Variants in ACLY observed in about 807,000 individuals in gnomAD.
ACLY encodes ATP citrate lyase, also known as ATP-citrate synthase.
Under a neutral mutation model 133.0 loss-of-function variants are expected in ACLY, and 41 were observed. That is an observed-to-expected ratio of 0.31 (90% CI 0.24 to 0.40). The LOEUF is 0.40. Among genes scored for constraint, ACLY ranks in the 10% least tolerant of loss-of-function variants. ACLY has a pLI of 1.00. For missense variants in ACLY, 1,046 were observed against 1,453.8 expected (o/e 0.72, Z 4.56); for synonymous variants, 495 against 549.3 (o/e 0.90, Z 1.38).
chr17:41,901,202 C>T (rs1038445954), intron 11 of ACLY, among the ~76,000 whole-genome samples: 72 of 151,810 alleles, frequency 4.7e-4, no homozygotes, highest in African/African-American at 1.7e-3. Flanking sequence ...TCAAGGGATC[C>T]TCCCACTTCG....
Position 41,868,797 on chromosome 17 carries a change from A to G in ACLY, c.3135-12T>C, listed in dbSNP as rs1422201517. ...CATCAGCTTCCTCCCTGCAACACAC[A>G]TCAACTTGTAGTTTTAAAAGGCTCA... On this transcript the variant is annotated splice_polypyrimidine_tract_variant and intron_variant, in intron 27 of 28. Transcript: ENST00000352035. 9.3e-6 allele frequency: 15 copies of G among 1,613,324 alleles called. No homozygotes were observed. Among genetic ancestry groups the G allele is most frequent in the Non-Finnish European group, 1.1e-5 (13 of 1,179,580 alleles).
intron 25 of ACLY, among the ~76,000 whole-genome samples, chr17:41,870,929 A>AATC (rs1361419993): frequency 2.0e-5 from 3 of 152,230 alleles, no homozygotes; most frequent in African/African-American, 4.8e-5. Context: ...TTCGGCACAG[A>AATC]TGGCAGAGAA....
At chr17:41,913,966 G>C in intron 1 of ACLY, 70 bp from the exon 2 acceptor site, 1 of 1,462,682 alleles carries the variant, frequency 6.8e-7, no homozygotes, top group Non-Finnish European at 9.4e-7. Flanking sequence ...CAGCAGGGCA[G>C]ACCCACTCCC....
At chr17:41,925,172 G>A (rs1555635856) in intron 1 of ACLY, among the ~76,000 whole-genome samples, 3 of 151,576 alleles carry the variant, frequency 2.0e-5, no homozygotes, top group South Asian at 2.1e-4. Context: ...AGAAGCTGGG[G>A]TTACAGGCGC....
At chr17:41,916,559 T>C (rs1567916778) in intron 1 of ACLY, among the ~76,000 whole-genome samples, 3 of 151,382 alleles carry the variant, frequency 2.0e-5, no homozygotes, top group African/African-American at 7.3e-5. Flanking sequence ...GTATTTTTAG[T>C]AGAGGCGGGG....
At chr17:41,868,234 C>T (rs1482970851) in intron 28 of ACLY, among the ~76,000 whole-genome samples, 3 of 151,874 alleles carry the variant, frequency 2.0e-5, no homozygotes, top group African/African-American at 4.8e-5. Flanking sequence ...GTTGGGAGAT[C>T]GAGACCATCC....
intron 25 of ACLY, among the ~76,000 whole-genome samples, chr17:41,871,246 C>A (rs564977394): frequency 5.3e-5 from 8 of 152,282 alleles, no homozygotes; most frequent in African/African-American, 1.9e-4. Context: ...TATTTGGCAT[C>A]TGTCAACACA....
intron 10 of ACLY, among the ~76,000 whole-genome samples, chr17:41,903,206 C>T (rs1198080935): frequency 6.6e-6 from 1 of 152,192 alleles, no homozygotes; most frequent in Non-Finnish European, 1.5e-5. Context: ...ACTCACTGAG[C>T]ATCTGACAGC....
At position 41,887,645 on chromosome 17, in the gene ACLY, A is replaced by G; in HGVS notation, c.1829T>C (p.Ile610Thr). ...GIPEALTRKLIKKADQKGVTI... is the reference protein window; with the variant it reads ...GIPEALTRKLTKKADQKGVTI... ...CACTCCCTTCTGGTCCGCCTTCTTG[A>G]TCAGCTTTCTCGTGAGGGCCTCAGG... Residue 610 changes from isoleucine to threonine, a missense_variant, in exon 17 of 29, where the codon ATC becomes ACC. Ile to Thr is a moderately conservative substitution (Grantham distance 89). Transcript: ENST00000352035. 4 of 1,613,864 alleles carry G rather than the reference A, an allele frequency of 2.5e-6. No individual in the cohort carries two copies. Among genetic ancestry groups the G allele is most frequent in the Non-Finnish European group, 3.4e-6 (4 of 1,179,878 alleles).
intron 8 of ACLY, 103 bp downstream of exon 8, chr17:41,906,425 A>C: frequency 9.7e-7 from 1 of 1,025,724 alleles, no homozygotes; most frequent in South Asian, 1.4e-5. Context: ...CCTCTGCCCC[A>C]AATTCCCACA....
chr17:41,912,001 C>T (rs1328623961), intron 3 of ACLY, among the ~76,000 whole-genome samples: 8 of 151,642 alleles, frequency 5.3e-5, no homozygotes, highest in Non-Finnish European at 1.0e-4. Flanking sequence ...GTAATCTCAG[C>T]TACTCAGAAG....
intron 22 of ACLY, among the ~76,000 whole-genome samples, chr17:41,875,697 G>A (rs1319203115): frequency 6.6e-6 from 1 of 152,226 alleles, no homozygotes; most frequent in Non-Finnish European, 1.5e-5. Context: ...GCCAGCCTCG[G>A]CCTCCTGAGG....
chr17:41,896,774 C>G, intron 13 of ACLY, 125 bp from the exon 14 acceptor site: 1 of 740,806 alleles, frequency 1.3e-6, no homozygotes, highest in Admixed American at 3.1e-5. Flanking sequence ...CTCATCATCC[C>G]TCTCCTGTTC....
At chr17:41,894,099 C>A (rs1184502845) in intron 14 of ACLY, among the ~76,000 whole-genome samples, 1 of 151,728 alleles carries the variant, frequency 6.6e-6, no homozygotes, top group Non-Finnish European at 1.5e-5. Flanking sequence ...ACCTGTAATC[C>A]CAGCTACTCA....
chr17:41,930,427 G>C, exon 1 of ACLY: 1 of 328,644 alleles, frequency 3.0e-6, no homozygotes, highest in African/African-American at 2.1e-5. Flanking sequence ...TGTCTTACAA[G>C]GGAGCCTTTT....
intron 11 of ACLY, among the ~76,000 whole-genome samples, chr17:41,900,497 A>C (rs1274545643): frequency 1.3e-5 from 2 of 152,042 alleles, no homozygotes; most frequent in Non-Finnish European, 2.9e-5. Context: ...AGGCAAGAGG[A>C]TCACTTGAGG....
At chr17:41,925,683 A>T (rs919483628) in intron 1 of ACLY, among the ~76,000 whole-genome samples, 1 of 151,912 alleles carries the variant, frequency 6.6e-6, no homozygotes, top group African/African-American at 2.4e-5. Context: ...GGCCAAGGAG[A>T]CCCACTTAGA....
upstream of ACLY, chr17:41,919,054 G>A (rs960090517): frequency 1.5e-5 from 19 of 1,278,566 alleles, no homozygotes; most frequent in African/African-American, 4.6e-5. Context: ...GGCCACACGC[G>A]TTCCCTAGCC....
Position 41,912,622 on chromosome 17 carries a change from G to C in ACLY, c.160-80C>G, listed in dbSNP as rs572331684. The stretch of plus-strand genomic sequence containing the variant: ...ATTTTGGGGATCCAAATAGAGGACA[G>C]CAGGGATTGACTTCCCATTCACTCT... On this transcript the variant is annotated intron_variant, in intron 2 of 28. Transcript: ENST00000352035. 325 of 1,551,236 alleles carry C rather than the reference G, an allele frequency of 2.1e-4. No individual in the cohort carries two copies. The African/African-American group carries it at 4.0e-3, about 19-fold the overall frequency.
Sources: gnomAD v4.1 joint callset for allele counts (sites outside exome capture counted in the v4.1 genomes callset) on GRCh38, gnomAD v4.1.1 for gene constraint, MANE v1.5 for transcripts, NCBI Gene and HGNC (gene_info 2026-07-23, HGNC 2026-07-21) for gene names.